MDGA2: variants seen among roughly 807,000 people sequenced by gnomAD.
The protein encoded by MDGA2 is MAM domain containing glycosylphosphatidylinositol anchor 2, also known as MAM domain-containing glycosylphosphatidylinositol anchor protein 2.
In MDGA2, 40 loss-of-function variants were observed where a neutral mutation model predicts 117.8. The observed-to-expected ratio is 0.34, with a 90% CI of 0.26 to 0.44. The LOEUF (loss-of-function observed/expected upper bound fraction) is 0.44. Among genes scored for constraint, MDGA2 ranks in the 20% least tolerant of loss-of-function variants. The pLI, the probability that MDGA2 is intolerant of heterozygous loss-of-function variation, is 1.00. For missense variants in MDGA2, 1,123 were observed against 1,250.6 expected (o/e 0.90, Z 1.54); for synonymous variants, 452 against 439.0 (o/e 1.03, Z -0.37).
intron 1 of MDGA2, among the ~76,000 whole-genome samples, chr14:47,501,562 T>G (rs1291039711): frequency 6.6e-6 from 1 of 152,154 alleles, no homozygotes; most frequent in Admixed American, 6.6e-5. Flanking sequence ...GTGGGCTTAT[T>G]TGGATAGAAA....
At chr14:46,872,002 AAAC>A (rs920905686) in intron 14 of MDGA2, 1 of 216,322 alleles carries the variant, frequency 4.6e-6, no homozygotes, top group Admixed American at 4.4e-5. Flanking sequence ...TTATAAAACA[AAAC>A]AAAAAAACCC....
chr14:47,054,154 C>T lies in MDGA2; in HGVS notation c.1525+7095G>A, dbSNP rs183048697. Among the ~76,000 whole-genome samples the T allele has an allele frequency of 3.8e-3, 572 of 152,038 alleles. 3 individuals are homozygous for T. Among genetic ancestry groups the T allele is most frequent in the Non-Finnish European group, 6.9e-3 (471 of 67,976 alleles). On this transcript the variant is annotated intron_variant, in intron 7 of 16. Coordinates refer to ENST00000399232, the MANE Select transcript of MDGA2 (RefSeq NM_001113498.3). ...TCTGTCCAACTGAATAAATGGTACC[C>T]TTCACACACAATCTGCAGAATGTTT...
chr14:46,887,798 G>A (rs894750916), intron 10 of MDGA2, among the ~76,000 whole-genome samples: 6 of 151,774 alleles, frequency 4.0e-5, no homozygotes, highest in African/African-American at 1.4e-4. Flanking sequence ...TAGGCAAAGT[G>A]CTATGATTTT....
At chr14:46,944,967 A>G (rs2138591652) in intron 9 of MDGA2, among the ~76,000 whole-genome samples, 1 of 152,184 alleles carries the variant, frequency 6.6e-6, no homozygotes, top group Non-Finnish European at 1.5e-5. Flanking sequence ...TTAATAAACT[A>G]CTATTATTCT....
chr14:47,102,476 AT>A (rs1159464916), intron 5 of MDGA2, among the ~76,000 whole-genome samples: 2 of 152,078 alleles, frequency 1.3e-5, no homozygotes, highest in Non-Finnish European at 2.9e-5. Context: ...GGTAGGAAAT[AT>A]CTGCTTTAGT....
At chr14:47,015,014 C>T (rs1477583949) in intron 8 of MDGA2, among the ~76,000 whole-genome samples, 6 of 152,000 alleles carry the variant, frequency 3.9e-5, no homozygotes, top group African/African-American at 1.5e-4. Context: ...ACTTAGAAGA[C>T]ATTATAGGGT....
chr14:47,221,458 G>A (rs1043538187), intron 2 of MDGA2, among the ~76,000 whole-genome samples: 3 of 152,210 alleles, frequency 2.0e-5, no homozygotes, highest in African/African-American at 7.2e-5. Flanking sequence ...GGAGGCCGAG[G>A]CAGGCGGATC....
At chr14:47,010,715 A>G (rs553397723) in intron 8 of MDGA2, among the ~76,000 whole-genome samples, 30 of 152,168 alleles carry the variant, frequency 2.0e-4, no homozygotes, top group African/African-American at 6.5e-4. Context: ...GACATGGGTA[A>G]GTGTCCCCAC....
intron 2 of MDGA2, among the ~76,000 whole-genome samples, chr14:47,224,521 T>C (rs750512953): frequency 5.3e-5 from 8 of 152,188 alleles, no homozygotes; most frequent in Non-Finnish European, 8.8e-5. Context: ...AATTAATGTC[T>C]AGTGAATGAG....
At chr14:47,510,520 TATTTA>T (rs1894617229) in intron 1 of MDGA2, among the ~76,000 whole-genome samples, 1 of 152,216 alleles carries the variant, frequency 6.6e-6, no homozygotes, top group Non-Finnish European at 1.5e-5. Context: ...TGCCTAATTT[TATTTA>T]TTGTGATTGT....
chr14:47,384,483 C>T (rs1435755448), intron 1 of MDGA2, among the ~76,000 whole-genome samples: 1 of 151,802 alleles, frequency 6.6e-6, no homozygotes, highest in African/African-American at 2.4e-5. Context: ...ATTATTCTTC[C>T]TTTCCTTCTT....
intron 1 of MDGA2, among the ~76,000 whole-genome samples, chr14:47,533,476 T>C (rs1004072558): frequency 3.3e-5 from 5 of 152,200 alleles, no homozygotes; most frequent in African/African-American, 1.2e-4. Flanking sequence ...TCAAACATTT[T>C]ACATAAATTC....
intron 1 of MDGA2, among the ~76,000 whole-genome samples, chr14:47,413,260 A>G (rs1892409343): frequency 1.3e-5 from 2 of 152,230 alleles, no homozygotes; most frequent in African/African-American, 2.4e-5. Flanking sequence ...ACTCGTATAT[A>G]GGCTGGAACC....
chr14:47,443,067 T>G (rs1254705848), intron 1 of MDGA2, among the ~76,000 whole-genome samples: 1 of 152,138 alleles, frequency 6.6e-6, no homozygotes, highest in Non-Finnish European at 1.5e-5. Flanking sequence ...AATTAAGATA[T>G]GCCATAAAGT....
chr14:47,477,793 G>A (rs1027934482), intron 1 of MDGA2, among the ~76,000 whole-genome samples: 6 of 152,034 alleles, frequency 3.9e-5, no homozygotes, highest in Non-Finnish European at 8.8e-5. Flanking sequence ...AGCTTTAATC[G>A]AGAAAAAAAA....
At chr14:47,267,273 C>G (rs1887997739) in intron 2 of MDGA2, among the ~76,000 whole-genome samples, 1 of 144,726 alleles carries the variant, frequency 6.9e-6, no homozygotes, top group African/African-American at 2.4e-5. Context: ...TGGAAATATT[C>G]TAAGTGAAAA....
chr14:46,902,670 G>A (rs1056018875), intron 10 of MDGA2, among the ~76,000 whole-genome samples: 1 of 152,062 alleles, frequency 6.6e-6, no homozygotes, highest in Non-Finnish European at 1.5e-5. Flanking sequence ...TCCTTCCCAC[G>A]ATTTGTCTAC....
chr14:47,584,128 A>C (rs1312086651), intron 1 of MDGA2, among the ~76,000 whole-genome samples: 1 of 151,858 alleles, frequency 6.6e-6, no homozygotes, highest in East Asian at 1.9e-4. Flanking sequence ...AAAACGCTTT[A>C]ATTTTTAATT....
rs945247033 is a variant in MDGA2, at chr14:47,085,901, A to G, written c.1195+10953T>C. On this transcript the variant is annotated intron_variant, in intron 6 of 16. Transcript: ENST00000399232. ...GATGGCTTCTCCTGAGTTATTTAAAACAATTAAAGAGAAAGTAACACTGAT... is the reference window on the plus strand; with the variant it reads ...GATGGCTTCTCCTGAGTTATTTAAAGCAATTAAAGAGAAAGTAACACTGAT... 2.6e-5 allele frequency among the ~76,000 whole-genome samples: 4 copies of G among 152,236 alleles called. No individual in the cohort carries two copies. In the South Asian group the frequency reaches 8.3e-4, roughly 32 times the overall value.
Sources: gnomAD v4.1 joint callset for allele counts (sites outside exome capture counted in the v4.1 genomes callset) on GRCh38, gnomAD v4.1.1 for gene constraint, MANE v1.5 for transcripts, NCBI Gene and HGNC (gene_info 2026-07-23, HGNC 2026-07-21) for gene names.